Variants in DHCR7 observed in about 807,000 individuals in gnomAD.
The protein encoded by DHCR7 is 7-DHC reductase.
Under a neutral mutation model 43.3 loss-of-function variants are expected in DHCR7, and 40 were observed. That is an observed-to-expected ratio of 0.92 (90% CI 0.72 to 1.20). DHCR7 has a LOEUF of 1.20. Among genes scored for constraint, DHCR7 ranks in the 50% most tolerant of loss-of-function variants. The pLI, the probability that DHCR7 is intolerant of heterozygous loss-of-function variation, is 0.00. For synonymous variants in DHCR7, 298 were observed against 271.4 expected (o/e 1.10, Z -0.96); for missense variants, 608 against 644.6 (o/e 0.94, Z 0.62).
At chr11:71,441,142 C>T in intron 6 of DHCR7, 85 bp downstream of exon 6, 1 of 1,329,580 alleles carries the variant, frequency 7.5e-7, no homozygotes, top group Non-Finnish European at 1.1e-6. Flanking sequence ...CAGGGCTTTA[C>T]AACCACCTGC....
intron 7 of DHCR7, 22 bp from the exon 8 acceptor site, chr11:71,437,965 T>C: frequency 1.9e-6 from 3 of 1,610,962 alleles, no homozygotes; most frequent in Non-Finnish European, 2.5e-6. Flanking sequence ...AAGCAGCCGC[T>C]GACCACCCCC....
At chr11:71,446,999 C>T (rs1001915200) in intron 2 of DHCR7, among the ~76,000 whole-genome samples, 1 of 152,220 alleles carries the variant, frequency 6.6e-6, no homozygotes, top group Non-Finnish European at 1.5e-5. Context: ...CTCCCCCAGG[C>T]TCTCATCAAG....
In DHCR7 at chr11:71,438,846, C is replaced by A. The variant is rs756579640; in HGVS notation, c.831+33G>T. 3 of 1,607,852 alleles carry A rather than the reference C, an allele frequency of 1.9e-6. No individual in the cohort carries two copies. The South Asian group carries it at 3.3e-5, about 18-fold the overall frequency. ...GGGTTCCCCCAGAGCCTGCCGGCAT[C>A]GGCGTTTCACCCTCTCCAGCCATGA... is the stretch of plus-strand genomic sequence containing the variant. On this transcript the variant is annotated intron_variant, in intron 7 of 8. Coordinates refer to ENST00000355527, the MANE Select transcript of DHCR7 (RefSeq NM_001360.3).
chr11:71,438,826 C>T (rs1187845926), intron 7 of DHCR7, 53 bp downstream of exon 7: 9 of 1,580,214 alleles, frequency 5.7e-6, no homozygotes, highest in Non-Finnish European at 7.8e-6. Flanking sequence ...CTTGCGGGTT[C>T]CCCCAGAGCC....
intron 4 of DHCR7, among the ~76,000 whole-genome samples, chr11:71,442,711 T>C (rs1792223): frequency 1 from 152,238 of 152,240 alleles, 76,118 homozygotes; most frequent in Middle Eastern, 1. Context: ...GGCTGGAGTG[T>C]AGTGGTGCAA....
chr11:71,444,089 G>A lies in DHCR7; in HGVS notation c.225C>T (p.Ile75=), dbSNP rs755182484. 6.5e-5 allele frequency: 105 copies of A among 1,613,518 alleles called. No individual in the cohort carries two copies. Among genetic ancestry groups the A allele is most frequent in the Non-Finnish European group, 8.1e-5 (95 of 1,179,808 alleles). Residue 75 remains isoleucine, a synonymous_variant, in exon 4 of 9, where the codon ATC becomes ATT. Transcript: ENST00000355527. ...SCALTGPVVD[I]VTGHARLSDI... ...CCGAGAGCCGAGCATGTCCGGTGACGATGTCCACCACAGGGCCAGTCAGGG... is the reference window on the plus strand; with the variant it reads ...CCGAGAGCCGAGCATGTCCGGTGACAATGTCCACCACAGGGCCAGTCAGGG...
rs1253213550 is a variant in DHCR7 at position 71,435,410 on chromosome 11, C to T, written c.1393G>A (p.Ala465Thr). ...YGRDWERYTA[A>T]VPYRLLPGIF ...CCAGGCAGCAGGCGGTAAGGCACTG[C>T]GGCGGTGTAGCGCTCCCAGTCCCGG... Residue 465 changes from alanine (A) to threonine (T), a missense_variant, in exon 9 of 9, where the codon GCA becomes ACA. Ala to Thr is a moderately conservative substitution (Grantham distance 58, BLOSUM62 0). Coordinates refer to ENST00000355527, the MANE Select transcript of DHCR7 (RefSeq NM_001360.3). The T allele has an allele frequency of 1.4e-5, 23 of 1,612,448 alleles. No homozygotes were observed. Among genetic ancestry groups the T allele is most frequent in the African/African-American group, 4.0e-5 (3 of 74,946 alleles).
chr11:71,434,170 G>T (rs1435280985), downstream of DHCR7, among the ~76,000 whole-genome samples: 1 of 152,206 alleles, frequency 6.6e-6, no homozygotes, highest in Non-Finnish European at 1.5e-5. Context: ...CCTTGGGGGG[G>T]AATGGAATAC....
chr11:71,428,830 G>A, exon 3 of DHCR7: 1 of 456,220 alleles, frequency 2.2e-6, no homozygotes, highest in Middle Eastern at 3.3e-4. Flanking sequence ...CCTCTACTCA[G>A]CCTCCACAGC....
At chr11:71,433,207 C>T (rs1158154479), downstream of DHCR7, among the ~76,000 whole-genome samples, 3 of 152,256 alleles carry the variant, frequency 2.0e-5, no homozygotes, top group African/African-American at 7.2e-5. Context: ...GGATCAGGCA[C>T]TGTGGCTTCA....
chr11:71,435,720 G>C lies in DHCR7; in HGVS notation c.1083C>G (p.Phe361Leu), dbSNP rs780088227. Residue 361 changes from phenylalanine to leucine, a missense_variant, in exon 9 of 9, where the codon TTC (phenylalanine) becomes TTG (leucine). Coordinates refer to ENST00000355527, the MANE Select transcript of DHCR7 (RefSeq NM_001360.3). ...FRVANHQKDL[F>L]RRTDGRCLIW... Reference sequence around the variant, plus strand: ...TGAGGCAGCGCCCATCCGTGCGGCGGAACAGGTCCTTCTGGTGGTTGGCCA... The same window carrying C: ...TGAGGCAGCGCCCATCCGTGCGGCGCAACAGGTCCTTCTGGTGGTTGGCCA... 7 of 1,612,920 alleles carry C rather than the reference G, an allele frequency of 4.3e-6. No individual in the cohort carries two copies. The highest frequency in any genetic ancestry group is 5.9e-6 in the Non-Finnish European group (7 of 1,179,682).
chr11:71,439,141 C>T, intron 6 of DHCR7, 58 bp from the exon 7 acceptor site: 1 of 1,523,628 alleles, frequency 6.6e-7, no homozygotes, highest in Admixed American at 1.8e-5. Context: ...CAAGATGAAG[C>T]CACCTTACTT....
intron 2 of DHCR7, among the ~76,000 whole-genome samples, chr11:71,446,117 G>T (rs1428694323): frequency 2.0e-5 from 3 of 152,162 alleles, no homozygotes; most frequent in African/African-American, 7.2e-5. Flanking sequence ...ATTGGTACAA[G>T]ATGAATGGCT....
At chr11:71,442,150 T>C (rs1949354419) in intron 5 of DHCR7, 113 bp downstream of exon 5, 2 of 852,646 alleles carry the variant, frequency 2.3e-6, no homozygotes, top group East Asian at 2.6e-5. Flanking sequence ...CCAAGCAAAA[T>C]GGATTTCTAT....
At position 71,443,652 on chromosome 11, in the gene DHCR7, C is replaced by T. The variant is rs117488879; in HGVS notation, c.321+341G>A. The stretch of plus-strand genomic sequence containing the variant: ...GCTCCTTTCCAGACCTGGTGCAAGG[C>T]GTGACTCCTGCTGACAATGGGGCTT... On this transcript the variant is annotated intron_variant, in intron 4 of 8. Coordinates refer to ENST00000355527, the MANE Select transcript of DHCR7 (RefSeq NM_001360.3). 2.6e-5 allele frequency among the ~76,000 whole-genome samples: 4 copies of T among 152,254 alleles called. No homozygotes were observed. The East Asian group carries it at 7.8e-4, about 30-fold the overall frequency.
chr11:71,441,952 C>T (rs1465008321), intron 5 of DHCR7, among the ~76,000 whole-genome samples: 6 of 152,154 alleles, frequency 3.9e-5, no homozygotes, highest in South Asian at 2.1e-4. Flanking sequence ...CGGACAGCCC[C>T]GAGGAATGGT....
rs1301602454 is a variant in DHCR7, at chr11:71,435,940, G to A, written c.964-101C>T. 6 of 935,894 alleles carry A rather than the reference G, an allele frequency of 6.4e-6. No individual in the cohort carries two copies. In the South Asian group the frequency reaches 8.4e-5, roughly 13 times the overall value. 58.0% of individuals were successfully genotyped at this position (935,894 alleles called of 1,614,324 possible). A position where few individuals can be genotyped will look rare whatever the true frequency, so the allele number is the denominator to read the frequency against. Reference sequence around the variant, plus strand: ...CGGCCTGGGGTCAAACCCCAGCTCTGCCTCTGACACACGCCTTGCCTCCGT... The same window carrying A: ...CGGCCTGGGGTCAAACCCCAGCTCTACCTCTGACACACGCCTTGCCTCCGT... On this transcript the variant is annotated intron_variant, in intron 8 of 8. Coordinates refer to ENST00000355527, the MANE Select transcript of DHCR7 (RefSeq NM_001360.3).
chr11:71,447,008 A>G (rs1949412004), intron 2 of DHCR7, among the ~76,000 whole-genome samples: 1 of 152,202 alleles, frequency 6.6e-6, no homozygotes, highest in Non-Finnish European at 1.5e-5. Context: ...GCTCTCATCA[A>G]GGTAAGATAC....
At chr11:71,444,242 A>G (rs1244585214) in intron 3 of DHCR7, 27 bp from the exon 4 acceptor site, 2 of 1,547,934 alleles carry the variant, frequency 1.3e-6, no homozygotes, top group African/African-American at 1.4e-5. Context: ...AGGCAGTCAC[A>G]CTGGGGCCCA....
Sources: gnomAD v4.1 joint callset for allele counts (sites outside exome capture counted in the v4.1 genomes callset) on GRCh38, gnomAD v4.1.1 for gene constraint, MANE v1.5 for transcripts, NCBI Gene and HGNC (gene_info 2026-07-23, HGNC 2026-07-21) for gene names.